Variants in ELP4 observed in about 807,000 individuals in gnomAD.
The protein encoded by ELP4 is elongator complex protein 4.
Under a neutral mutation model 48.9 loss-of-function variants are expected in ELP4, and 51 were observed. That is an observed-to-expected ratio of 1.04 (90% CI 0.83 to 1.32). The LOEUF is 1.32. Ranked by LOEUF, ELP4 falls within the 40% of genes most tolerant of loss-of-function variation. The probability of loss-of-function intolerance (pLI) is 0.00; values close to 1 mark genes in which losing one functional copy is unlikely to be tolerated. For synonymous variants in ELP4, 210 were observed against 189.2 expected (o/e 1.11, Z -0.90); for missense variants, 519 against 514.6 (o/e 1.01, Z -0.08).
intron 5 of ELP4, among the ~76,000 whole-genome samples, chr11:31,610,613 T>C (rs547998228): frequency 2.0e-5 from 3 of 152,260 alleles, no homozygotes; most frequent in African/African-American, 7.2e-5. Flanking sequence ...CAGTATTTGG[T>C]TATCTGTTTC....
chr11:31,651,222 T>G (rs1346205231), intron 9 of ELP4: 1 of 151,610 alleles, frequency 6.6e-6, no homozygotes, highest in African/African-American at 2.4e-5. Context: ...CTCTCTCTTT[T>G]TCTCTTTCCC....
intron 3 of ELP4, among the ~76,000 whole-genome samples, chr11:31,590,837 T>G (rs1957556242): frequency 6.6e-6 from 1 of 152,132 alleles, no homozygotes; most frequent in South Asian, 2.1e-4. Flanking sequence ...GGTATGATGT[T>G]AAACCATTCA....
intron 9 of ELP4, among the ~76,000 whole-genome samples, chr11:31,755,735 A>C (rs975595871): frequency 4.0e-5 from 6 of 151,636 alleles, no homozygotes; most frequent in African/African-American, 1.5e-4. Flanking sequence ...AATTACAAAA[A>C]AAAAAAAAAA....
At chr11:31,600,342 T>C (rs1223136820) in intron 4 of ELP4, 2 of 152,150 alleles carry the variant, frequency 1.3e-5, no homozygotes, top group Admixed American at 1.3e-4. Context: ...TGAGACTTAA[T>C]TTTCTCAGTA....
At chr11:31,722,200 C>A (rs913630524) in intron 9 of ELP4, among the ~76,000 whole-genome samples, 1 of 152,300 alleles carries the variant, frequency 6.6e-6, no homozygotes, top group African/African-American at 2.4e-5. Context: ...AAACTTCCCA[C>A]AGAAAACTCT....
At chr11:31,669,918 G>T (rs941810301) in intron 9 of ELP4, among the ~76,000 whole-genome samples, 1 of 152,028 alleles carries the variant, frequency 6.6e-6, no homozygotes, top group Admixed American at 6.5e-5. Flanking sequence ...CTTGGGATAT[G>T]CCTCCATATC....
At chr11:31,723,337 C>T (rs1407779518) in intron 9 of ELP4, among the ~76,000 whole-genome samples, 3 of 152,126 alleles carry the variant, frequency 2.0e-5, no homozygotes, top group East Asian at 3.9e-4. Context: ...ACACCACCCC[C>T]GCCCCCCGCC....
At chr11:31,623,196 A>C (rs1223029676) in intron 5 of ELP4, among the ~76,000 whole-genome samples, 1 of 150,540 alleles carries the variant, frequency 6.6e-6, no homozygotes, top group Non-Finnish European at 1.5e-5. Context: ...TAAAGAAGCC[A>C]GGATCATATT....
At chr11:31,524,023 ATG>A (rs1956256107) in intron 2 of ELP4, among the ~76,000 whole-genome samples, 1 of 152,104 alleles carries the variant, frequency 6.6e-6, no homozygotes, top group Admixed American at 6.5e-5. Context: ...ACATTTATCA[ATG>A]TGTTTTTTTA....
At chr11:31,768,169 A>C (rs1026375897) in intron 9 of ELP4, among the ~76,000 whole-genome samples, 1 of 152,172 alleles carries the variant, frequency 6.6e-6, no homozygotes, top group African/African-American at 2.4e-5. Context: ...GCAATTAGTC[A>C]ACATAATTAA....
intron 9 of ELP4, among the ~76,000 whole-genome samples, chr11:31,778,863 T>C (rs1221789248): frequency 2.6e-5 from 4 of 152,200 alleles, no homozygotes; most frequent in Non-Finnish European, 5.9e-5. Flanking sequence ...TTGTTTGTTT[T>C]TTGAGACAGT....
intron 9 of ELP4, among the ~76,000 whole-genome samples, chr11:31,774,226 C>T (rs1414448891): frequency 6.6e-6 from 1 of 152,214 alleles, no homozygotes; most frequent in African/African-American, 2.4e-5. Flanking sequence ...CCTTATCTCA[C>T]TCTTTCGTCT....
chr11:31,563,415 A>T (rs1424555244), intron 3 of ELP4, among the ~76,000 whole-genome samples: 1 of 152,176 alleles, frequency 6.6e-6, no homozygotes, highest in Non-Finnish European at 1.5e-5. Flanking sequence ...ATCTGCCAAA[A>T]CAAAGACCAC....
rs116593977 is a variant in ELP4 at position 31,626,521 on chromosome 11, A to G, written c.654-589A>G. 3.8e-3 allele frequency among the ~76,000 whole-genome samples: 577 copies of G among 152,034 alleles called. 5 individuals are homozygous for G. Among genetic ancestry groups the G allele is most frequent in the African/African-American group, 0.013 (520 of 41,538 alleles). ...AACAATAACATTAATGTTATTATTT[A>G]TATGAGAAATAAATTTGGTTTTCTT... On this transcript the variant is annotated intron_variant, in intron 5 of 9. Transcript: ENST00000640961.
At chr11:31,601,988 T>A (rs1006037725) in intron 4 of ELP4, among the ~76,000 whole-genome samples, 1 of 152,084 alleles carries the variant, frequency 6.6e-6, no homozygotes, top group Non-Finnish European at 1.5e-5. Flanking sequence ...TCCATGCTGC[T>A]GCATGGATTA....
At chr11:31,757,057 A>G (rs756797367) in intron 9 of ELP4, among the ~76,000 whole-genome samples, 5 of 152,246 alleles carry the variant, frequency 3.3e-5, no homozygotes, top group African/African-American at 7.2e-5. Context: ...ATACTGAAAT[A>G]TAGAACTATC....
At chr11:31,772,956 C>T (rs921109945) in intron 9 of ELP4, among the ~76,000 whole-genome samples, 1 of 152,244 alleles carries the variant, frequency 6.6e-6, no homozygotes, top group African/African-American at 2.4e-5. Context: ...CTGGAAGAAA[C>T]TCCTTTGTCC....
intron 9 of ELP4, among the ~76,000 whole-genome samples, chr11:31,716,561 A>G (rs956372349): frequency 1.3e-5 from 2 of 152,176 alleles, no homozygotes; most frequent in African/African-American, 4.8e-5. Flanking sequence ...ATATCAAGGA[A>G]TACTGTGTGT....
At chr11:31,530,371 A>G (rs1956373840) in intron 2 of ELP4, among the ~76,000 whole-genome samples, 1 of 152,214 alleles carries the variant, frequency 6.6e-6, no homozygotes, top group African/African-American at 2.4e-5. Flanking sequence ...AGAGCTCTAT[A>G]TAAACTGTTT....
Sources: gnomAD v4.1 joint callset for allele counts (sites outside exome capture counted in the v4.1 genomes callset) on GRCh38, gnomAD v4.1.1 for gene constraint, MANE v1.5 for transcripts, NCBI Gene and HGNC (gene_info 2026-07-23, HGNC 2026-07-21) for gene names.